The following VSTM2B variants were observed in gnomAD, a reference collection of about 807,000 sequenced individuals.
VSTM2B encodes the protein V-set and transmembrane domain-containing protein 2B.
VSTM2B carries 24 observed loss-of-function variants against 24.0 expected under a neutral mutation model. The ratio of observed to expected loss-of-function variants is 1.00; its 90% CI spans 0.72 to 1.40. VSTM2B has a LOEUF of 1.40. Among genes scored for constraint, VSTM2B ranks in the 40% most tolerant of loss-of-function variants. VSTM2B has a pLI of 0.00. For synonymous variants in VSTM2B, 226 were observed against 194.4 expected (o/e 1.16, Z -1.35); for missense variants, 399 against 416.4 (o/e 0.96, Z 0.36).
chr19:29,541,075 GA>G (rs1970009043), intron 4 of VSTM2B, among the ~76,000 whole-genome samples: 1 of 152,228 alleles, frequency 6.6e-6, no homozygotes, highest in Non-Finnish European at 1.5e-5. Flanking sequence ...TGGGTGCAGA[GA>G]AAGCAAGATG....
At chr19:29,550,781 G>C (rs1970262745) in intron 4 of VSTM2B, among the ~76,000 whole-genome samples, 1 of 151,592 alleles carries the variant, frequency 6.6e-6, no homozygotes, top group African/African-American at 2.4e-5. Flanking sequence ...TTTGTGTGTA[G>C]AGCCAGACCT....
rs372018589 is a variant in VSTM2B at position 29,528,397 on chromosome 19, G to A, written c.268-36G>A. ...CGAGTTCCCCTAGCCAGAAGGCCGC[G>A]AGCCTCACGTCTCTCTCTCCCTCTT... is the stretch of plus-strand genomic sequence containing the variant. On this transcript the variant is annotated intron_variant, in intron 2 of 4. Coordinates refer to ENST00000335523, the MANE Select transcript of VSTM2B (RefSeq NM_001146339.2). 2.1e-4 allele frequency: 318 copies of A among 1,551,088 alleles called. No homozygotes were observed. The African/African-American group carries it at 3.8e-3, about 18-fold the overall frequency.
intron 4 of VSTM2B, among the ~76,000 whole-genome samples, chr19:29,558,048 C>T (rs578113782): frequency 1.1e-3 from 170 of 152,176 alleles, no homozygotes; most frequent in African/African-American, 3.9e-3. Context: ...CATGAACAGA[C>T]ACTTCTCAAA....
At chr19:29,533,068 T>G (rs1202868625) in intron 4 of VSTM2B, among the ~76,000 whole-genome samples, 2 of 152,166 alleles carry the variant, frequency 1.3e-5, no homozygotes, top group East Asian at 3.9e-4. Flanking sequence ...GGAGGCTGAA[T>G]GAGAGAGTGA....
intron 3 of VSTM2B, 102 bp from the exon 4 acceptor site, chr19:29,529,717 G>A: frequency 8.6e-7 from 1 of 1,160,898 alleles, no homozygotes; most frequent in Non-Finnish European, 1.2e-6. Context: ...CAGGATCCGG[G>A]AAGTGTTGGG....
intron 2 of VSTM2B, among the ~76,000 whole-genome samples, chr19:29,527,907 A>G (rs377550300): frequency 2.0e-5 from 3 of 152,232 alleles, no homozygotes; most frequent in African/African-American, 7.2e-5. Context: ...TGTCTGCCTC[A>G]AAACCCACAC....
chr19:29,555,654 G>A (rs895934690), intron 4 of VSTM2B, among the ~76,000 whole-genome samples: 7 of 151,836 alleles, frequency 4.6e-5, no homozygotes, highest in African/African-American at 1.5e-4. Context: ...AAAATAGTTA[G>A]ACTGCCAGCT....
At chr19:29,560,600 C>T (rs538408218) in intron 4 of VSTM2B, among the ~76,000 whole-genome samples, 2 of 152,316 alleles carry the variant, frequency 1.3e-5, no homozygotes, top group African/African-American at 4.8e-5. Context: ...TGGGTGAACC[C>T]TCCCCAGACA....
intron 4 of VSTM2B, among the ~76,000 whole-genome samples, chr19:29,552,023 G>A (rs1970295671): frequency 6.6e-6 from 1 of 152,198 alleles, no homozygotes; most frequent in South Asian, 2.1e-4. Flanking sequence ...GGACAGCAGA[G>A]GCCAAGTGCT....
chr19:29,556,770 C>A (rs1375562687), intron 4 of VSTM2B, among the ~76,000 whole-genome samples: 1 of 152,132 alleles, frequency 6.6e-6, no homozygotes, highest in Admixed American at 6.5e-5. Flanking sequence ...CACAAATGAA[C>A]TCCCATTCAC....
In VSTM2B at chr19:29,527,193, C is replaced by G. The variant is rs575438031; in HGVS notation, c.83-18C>G. On this transcript the variant is annotated intron_variant, in intron 1 of 4. Coordinates refer to ENST00000335523, the MANE Select transcript of VSTM2B (RefSeq NM_001146339.2). ...GACCTACAGCTGGTCACGCCTCTCTCTCTCTCCCCACCCCCAGCTGCATTC... is the reference window on the plus strand; with the variant it reads ...GACCTACAGCTGGTCACGCCTCTCTGTCTCTCCCCACCCCCAGCTGCATTC... 3 of 1,544,104 alleles carry G rather than the reference C, an allele frequency of 1.9e-6. No homozygotes were observed. The highest frequency in any genetic ancestry group is 1.2e-5 in the South Asian group (1 of 83,234).
intron 4 of VSTM2B, among the ~76,000 whole-genome samples, chr19:29,548,788 A>G (rs567605736): frequency 6.6e-6 from 1 of 152,298 alleles, no homozygotes; most frequent in East Asian, 1.9e-4. Flanking sequence ...CTGGCCACAC[A>G]ACTGCATGGG....
At chr19:29,548,695 G>A (rs1015355237) in intron 4 of VSTM2B, among the ~76,000 whole-genome samples, 1 of 152,174 alleles carries the variant, frequency 6.6e-6, no homozygotes, top group Admixed American at 6.5e-5. Context: ...CTCCCAGGGT[G>A]GGGCAGGCTC....
At chr19:29,531,172 C>T (rs950958875) in intron 4 of VSTM2B, among the ~76,000 whole-genome samples, 1 of 152,072 alleles carries the variant, frequency 6.6e-6, no homozygotes, top group Non-Finnish European at 1.5e-5. Flanking sequence ...CCCAAGGCAT[C>T]CCCCACTCTC....
At chr19:29,532,045 A>G (rs1969773270) in intron 4 of VSTM2B, among the ~76,000 whole-genome samples, 1 of 152,246 alleles carries the variant, frequency 6.6e-6, no homozygotes, top group South Asian at 2.1e-4. Flanking sequence ...ACTCTCAGGC[A>G]TGCATTGTGT....
intron 4 of VSTM2B, among the ~76,000 whole-genome samples, chr19:29,535,983 G>A (rs1969879397): frequency 6.6e-6 from 1 of 152,166 alleles, no homozygotes; most frequent in Admixed American, 6.5e-5. Flanking sequence ...GAGAAGAGAG[G>A]GCGAGGCTCT....
chr19:29,528,846 G>T (rs1354336426), intron 3 of VSTM2B: 8 of 930,732 alleles, frequency 8.6e-6, no homozygotes, highest in Non-Finnish European at 1.0e-5. Context: ...CCAGCTTCCC[G>T]CCCCCTCTGC....
Position 29,539,210 on chromosome 19 carries a change from C to T in VSTM2B, c.769+8920C>T, listed in dbSNP as rs376815975. Among the ~76,000 whole-genome samples the T allele has an allele frequency of 3.0e-3, 463 of 152,272 alleles. 2 individuals carry two copies. The highest frequency in any genetic ancestry group is 0.011 in the African/African-American group (444 of 41,550). Reference sequence around the variant, plus strand: ...CAAATTAAACCCCCAGGTTTGCCCACGTGCCGAGTCCTGGCTGTGCTAACA... The same window carrying T: ...CAAATTAAACCCCCAGGTTTGCCCATGTGCCGAGTCCTGGCTGTGCTAACA... On this transcript the variant is annotated intron_variant, in intron 4 of 4. Coordinates refer to ENST00000335523, the MANE Select transcript of VSTM2B (RefSeq NM_001146339.2).
chr19:29,527,509 C>A, intron 2 of VSTM2B, 114 bp downstream of exon 2: 1 of 928,816 alleles, frequency 1.1e-6, no homozygotes, highest in African/African-American at 1.8e-5. Flanking sequence ...CGCCCTGTGG[C>A]GCAGCCCATC....
Sources: allele counts gnomAD v4.1 joint callset (sites outside exome capture counted in the v4.1 genomes callset), GRCh38; gene constraint gnomAD v4.1.1; transcripts MANE v1.5; gene names NCBI Gene and HGNC (gene_info 2026-07-23, HGNC 2026-07-21).